UNC5D: variants seen among roughly 807,000 people sequenced by gnomAD.
The protein encoded by UNC5D is netrin receptor UNC5D.
Under a neutral mutation model 105.4 loss-of-function variants are expected in UNC5D, and 39 were observed. That is an observed-to-expected ratio of 0.37 (90% CI 0.29 to 0.48). The LOEUF (loss-of-function observed/expected upper bound fraction) is 0.48, where lower values mean the gene tolerates loss of function less well. Ranked by LOEUF, UNC5D falls within the 20% of genes least tolerant of loss-of-function variation. UNC5D has a pLI of 0.98. For synonymous variants in UNC5D, 452 were observed against 450.4 expected (o/e 1.00, Z -0.04); for missense variants, 991 against 1,202.4 (o/e 0.82, Z 2.60).
intron 2 of UNC5D, among the ~76,000 whole-genome samples, chr8:35,557,283 T>G (rs1370013013): frequency 1.3e-5 from 2 of 152,230 alleles, no homozygotes; most frequent in East Asian, 3.8e-4. Flanking sequence ...GGGTGTATTC[T>G]TTGTTTCTGT....
rs550789170 is a variant in UNC5D at position 35,766,704 on chromosome 8, G to A, written c.2314-198G>A. ...GTTGGAATTGACATTAATTACATTT[G>A]TGCTGCTTGGCATTTGCTGGAACAT... On this transcript the variant is annotated intron_variant, in intron 14 of 16. Transcript: ENST00000404895. Among the ~76,000 whole-genome samples, 4 of 152,312 alleles carry A rather than the reference G, an allele frequency of 2.6e-5. No individual in the cohort carries two copies. In the South Asian group the frequency reaches 8.3e-4, roughly 32 times the overall value.
chr8:35,569,652 T>A (rs1817589706), intron 3 of UNC5D, among the ~76,000 whole-genome samples: 1 of 152,188 alleles, frequency 6.6e-6, no homozygotes, highest in African/African-American at 2.4e-5. Context: ...AGTTAATTAA[T>A]TTTAGCCAAC....
intron 8 of UNC5D, among the ~76,000 whole-genome samples, chr8:35,711,055 C>T (rs1014227851): frequency 1.6e-5 from 2 of 128,572 alleles, no homozygotes; most frequent in Non-Finnish European, 3.0e-5. Flanking sequence ...TCTCCTGCCT[C>T]AGCCTCCCGA....
intron 1 of UNC5D, among the ~76,000 whole-genome samples, chr8:35,435,157 T>TCTATTTTATATATAATTACCAATATG (rs1168011409): frequency 6.6e-6 from 1 of 152,156 alleles, no homozygotes; most frequent in Non-Finnish European, 1.5e-5. Context: ...AATTACTGTA[T>TCTATTTTATATATAATTACCAATATG]CTATTTTATA....
chr8:35,316,078 C>T (rs372263738), intron 1 of UNC5D, among the ~76,000 whole-genome samples: 8 of 152,060 alleles, frequency 5.3e-5, no homozygotes, highest in South Asian at 2.1e-4. Flanking sequence ...GCTGACCAAC[C>T]GACTAGGCAG....
chr8:35,577,410 C>G (rs1818164768), intron 3 of UNC5D, among the ~76,000 whole-genome samples: 1 of 152,146 alleles, frequency 6.6e-6, no homozygotes. Flanking sequence ...GTCCATTGTT[C>G]TATTTACTGC....
At chr8:35,312,598 C>A (rs1808978497) in intron 1 of UNC5D, among the ~76,000 whole-genome samples, 1 of 152,088 alleles carries the variant, frequency 6.6e-6, no homozygotes, top group African/African-American at 2.4e-5. Flanking sequence ...GCTTGTCACA[C>A]AAGGTAAAAT....
Position 35,348,768 on chromosome 8 carries a change from T to A in UNC5D, c.103+112881T>A, listed in dbSNP as rs184367960. Among the ~76,000 whole-genome samples the A allele has an allele frequency of 4.6e-5, 7 of 151,970 alleles. No homozygotes were observed. The East Asian group carries it at 1.4e-3, about 29-fold the overall frequency. On this transcript the variant is annotated intron_variant, in intron 1 of 16. Transcript: ENST00000404895. ...GAAGATGTATATATCCTGGACTTAA[T>A]GCTTCCATACTAAGAATGTACCTTT...
At chr8:35,530,960 G>A (rs1482567399) in intron 1 of UNC5D, among the ~76,000 whole-genome samples, 1 of 148,436 alleles carries the variant, frequency 6.7e-6, no homozygotes, top group Non-Finnish European at 1.5e-5. Context: ...AGTCTTGCTA[G>A]TGGTCTATCA....
chr8:35,591,043 A>G (rs1160875073), intron 3 of UNC5D, among the ~76,000 whole-genome samples: 1 of 152,202 alleles, frequency 6.6e-6, no homozygotes, highest in Non-Finnish European at 1.5e-5. Context: ...GCCCATTGCC[A>G]GGTTTTTAAA....
intron 8 of UNC5D, among the ~76,000 whole-genome samples, chr8:35,706,396 G>A (rs1381108652): frequency 6.6e-6 from 1 of 152,162 alleles, no homozygotes; most frequent in African/African-American, 2.4e-5. Flanking sequence ...GAACTCCATG[G>A]TGAAATAATG....
At chr8:35,308,453 C>T (rs1808610924) in intron 1 of UNC5D, among the ~76,000 whole-genome samples, 2 of 152,128 alleles carry the variant, frequency 1.3e-5, no homozygotes, top group African/African-American at 4.8e-5. Context: ...TTCATTTGGG[C>T]CCTATTACAC....
At chr8:35,259,043 C>T (rs1804268407) in intron 1 of UNC5D, among the ~76,000 whole-genome samples, 1 of 152,140 alleles carries the variant, frequency 6.6e-6, no homozygotes, top group African/African-American at 2.4e-5. Flanking sequence ...CAACAGAAAA[C>T]AAAACCTTAT....
In UNC5D at chr8:35,657,947, A is replaced by G. The variant is rs1823875819; in HGVS notation, c.571-25600A>G. Among the ~76,000 whole-genome samples, 5 of 152,330 alleles carry G rather than the reference A, an allele frequency of 3.3e-5. No homozygotes were observed. In the South Asian group the frequency reaches 1.0e-3, roughly 32 times the overall value. On this transcript the variant is annotated intron_variant, in intron 4 of 16. Transcript: ENST00000404895. ...ATTTAAATGAAGCTTGGAAAAGACA[A>G]GTAGGAATAGAAAGGTTTTAAAGAA...
At chr8:35,492,680 G>A (rs1251418281) in intron 1 of UNC5D, among the ~76,000 whole-genome samples, 2 of 152,116 alleles carry the variant, frequency 1.3e-5, no homozygotes, top group Non-Finnish European at 2.9e-5. Flanking sequence ...AGGCTTAAAT[G>A]GGCTATTCAT....
At chr8:35,610,548 T>A (rs1004450695) in intron 4 of UNC5D, among the ~76,000 whole-genome samples, 3 of 152,160 alleles carry the variant, frequency 2.0e-5, no homozygotes, top group Non-Finnish European at 2.9e-5. Flanking sequence ...AGGACATCAC[T>A]CTGTCCTTCG....
At chr8:35,756,431 G>A (rs970545846) in intron 13 of UNC5D, among the ~76,000 whole-genome samples, 2 of 151,438 alleles carry the variant, frequency 1.3e-5, no homozygotes, top group Non-Finnish European at 2.9e-5. Context: ...TGTGTAGACA[G>A]TATATATAAC....
intron 4 of UNC5D, among the ~76,000 whole-genome samples, chr8:35,599,340 T>C (rs1472354340): frequency 1.3e-5 from 2 of 152,056 alleles, no homozygotes; most frequent in African/African-American, 2.4e-5. Context: ...TTGTATTCTT[T>C]AAAAATGCTA....
chr8:35,728,722 A>G (rs563854718), intron 10 of UNC5D, among the ~76,000 whole-genome samples: 1 of 152,196 alleles, frequency 6.6e-6, no homozygotes, highest in Admixed American at 6.5e-5. Context: ...CCTAGCAATG[A>G]TTTCTCCAAA....
Sources: allele counts gnomAD v4.1 joint callset (sites outside exome capture counted in the v4.1 genomes callset), GRCh38; gene constraint gnomAD v4.1.1; transcripts MANE v1.5; gene names NCBI Gene and HGNC (gene_info 2026-07-23, HGNC 2026-07-21).